IQCM: variants seen among roughly 807,000 people sequenced by gnomAD.
IQCM encodes IQ motif containing M, also known as IQ domain-containing protein M.
A neutral mutation model predicts 57.6 loss-of-function variants in IQCM; 45 were observed. The ratio of observed to expected loss-of-function variants is 0.78; its 90% CI spans 0.62 to 1.00. The LOEUF (loss-of-function observed/expected upper bound fraction) is 1.00, where lower values mean the gene tolerates loss of function less well. Ranked by LOEUF, IQCM falls within the 50% of genes least tolerant of loss-of-function variation. The pLI is 0.00. For missense variants in IQCM, 468 were observed against 511.6 expected (o/e 0.91, Z 0.82); for synonymous variants, 148 against 158.9 (o/e 0.93, Z 0.51).
intron 8 of IQCM, among the ~76,000 whole-genome samples, chr4:149,617,611 A>C (rs748906998): frequency 6.6e-6 from 1 of 152,180 alleles, no homozygotes; most frequent in Non-Finnish European, 1.5e-5. Context: ...TAAACACCTA[A>C]AGTCTCCATC....
At chr4:149,387,478 C>T (rs1731504987) in intron 13 of IQCM, among the ~76,000 whole-genome samples, 1 of 151,990 alleles carries the variant, frequency 6.6e-6, no homozygotes, top group Non-Finnish European at 1.5e-5. Context: ...AATTAGGTTT[C>T]TTAGGGGTTA....
intron 5 of IQCM, among the ~76,000 whole-genome samples, chr4:149,716,426 C>T (rs965294970): frequency 6.6e-6 from 1 of 152,202 alleles, no homozygotes; most frequent in Non-Finnish European, 1.5e-5. Context: ...ATTTCTGAGC[C>T]TGTGGGGGCA....
At chr4:149,393,671 C>T (rs372347538) in intron 13 of IQCM, among the ~76,000 whole-genome samples, 124 of 151,698 alleles carry the variant, frequency 8.2e-4, no homozygotes, top group African/African-American at 2.6e-3. Flanking sequence ...ACAAAAACGG[C>T]GGCAATGATA....
intron 7 of IQCM, among the ~76,000 whole-genome samples, chr4:149,643,528 T>G (rs1463352820): frequency 6.6e-6 from 1 of 152,122 alleles, no homozygotes; most frequent in African/African-American, 2.4e-5. Context: ...TGAAAGAGAT[T>G]CTGTTTCTCA....
rs191258511 is a variant in IQCM at position 149,470,315 on chromosome 4, T to C, written c.1229-36758A>G. ...AAATGGAAAAAAAAAAAAGCAGGGG[T>C]TGCAATACAAGTTTCTGATAAAAAA... On this transcript the variant is annotated intron_variant, in intron 12 of 13. Transcript: ENST00000636793. Among the ~76,000 whole-genome samples the C allele has an allele frequency of 6.9e-3, 1,007 of 145,430 alleles. 5 individuals are homozygous for C. The highest frequency in any genetic ancestry group is 0.012 in the Non-Finnish European group (823 of 66,490).
intron 12 of IQCM, among the ~76,000 whole-genome samples, chr4:149,517,906 TGG>T (rs1745151757): frequency 6.6e-6 from 1 of 152,196 alleles, no homozygotes; most frequent in Non-Finnish European, 1.5e-5. Flanking sequence ...TGGCCTATTG[TGG>T]GACCTTGTGA....
At chr4:149,811,959 AG>A (rs1254556097) in intron 2 of IQCM, among the ~76,000 whole-genome samples, 2 of 152,208 alleles carry the variant, frequency 1.3e-5, no homozygotes, top group Non-Finnish European at 2.9e-5. Flanking sequence ...GGCTTCATTC[AG>A]GGAGATATGT....
At chr4:149,513,239 T>C (rs1451026314) in intron 12 of IQCM, among the ~76,000 whole-genome samples, 5 of 152,170 alleles carry the variant, frequency 3.3e-5, no homozygotes, top group Non-Finnish European at 5.9e-5. Context: ...TTTCAGAGTA[T>C]AATGAGCCAA....
At chr4:149,803,010 CTA>C (rs1561291395) in intron 2 of IQCM, among the ~76,000 whole-genome samples, 1 of 151,912 alleles carries the variant, frequency 6.6e-6, no homozygotes, top group Non-Finnish European at 1.5e-5. Flanking sequence ...GAGTTAGACT[CTA>C]TGATTAGCCC....
rs370637574 is a variant in IQCM at position 149,729,063 on chromosome 4, C to A, written c.385+4181G>T. ...CATTAGTGAAAGGGAAGAAAGTAAA[C>A]ATAATAGTCACCAGTCCAAAGATGT... On this transcript the variant is annotated intron_variant, in intron 5 of 13. Coordinates refer to ENST00000636793, the MANE Select transcript of IQCM (RefSeq NM_001363507.2). Among the ~76,000 whole-genome samples the A allele has an allele frequency of 1.5e-4, 23 of 152,300 alleles. No homozygotes were observed. The East Asian group carries it at 3.3e-3, about 22-fold the overall frequency.
chr4:149,647,152 T>C (rs1758714684), intron 7 of IQCM, among the ~76,000 whole-genome samples: 1 of 152,190 alleles, frequency 6.6e-6, no homozygotes, highest in South Asian at 2.1e-4. Flanking sequence ...AAAAGTGATA[T>C]TGTAGATACT....
At chr4:149,386,290 T>C (rs1285714145) in intron 13 of IQCM, among the ~76,000 whole-genome samples, 1 of 152,088 alleles carries the variant, frequency 6.6e-6, no homozygotes, top group African/African-American at 2.4e-5. Context: ...GGTAATCTCA[T>C]GGGCACATAT....
At chr4:149,642,024 G>C (rs552505540) in intron 7 of IQCM, among the ~76,000 whole-genome samples, 18 of 152,184 alleles carry the variant, frequency 1.2e-4, no homozygotes, top group Non-Finnish European at 2.1e-4. Context: ...TCCTCAGTGT[G>C]TATACTCAAG....
chr4:149,742,177 G>A (rs915662758), intron 3 of IQCM, among the ~76,000 whole-genome samples: 5 of 151,116 alleles, frequency 3.3e-5, no homozygotes, highest in African/African-American at 7.3e-5. Flanking sequence ...TTCTATCTTC[G>A]AAACTCTATA....
intron 13 of IQCM, among the ~76,000 whole-genome samples, chr4:149,373,808 T>C (rs975296604): frequency 6.6e-5 from 10 of 152,218 alleles, no homozygotes; most frequent in Admixed American, 3.9e-4. Flanking sequence ...CACTGAGAAA[T>C]TTTAAAAAAT....
At chr4:149,452,738 G>A (rs548147154) in intron 12 of IQCM, among the ~76,000 whole-genome samples, 44 of 151,378 alleles carry the variant, frequency 2.9e-4, no homozygotes, top group Non-Finnish European at 5.5e-4. Context: ...CTTTATTATC[G>A]TTATTGGTTT....
chr4:149,380,576 T>C (rs1014435480), intron 13 of IQCM, among the ~76,000 whole-genome samples: 3 of 152,146 alleles, frequency 2.0e-5, no homozygotes, highest in South Asian at 4.1e-4. Context: ...CCAGATTCTC[T>C]TTCGGAAGAA....
intron 12 of IQCM, among the ~76,000 whole-genome samples, chr4:149,494,898 G>A (rs1445652351): frequency 6.6e-6 from 1 of 152,094 alleles, no homozygotes; most frequent in East Asian, 1.9e-4. Context: ...TTTGGCTGCT[G>A]GTTAGGGAAT....
chr4:149,675,051 A>T (rs753534450), intron 7 of IQCM, among the ~76,000 whole-genome samples: 1 of 152,036 alleles, frequency 6.6e-6, no homozygotes, highest in South Asian at 2.1e-4. Context: ...GACCATAACT[A>T]TTGGAGAATG....
Sources: allele counts gnomAD v4.1 joint callset (sites outside exome capture counted in the v4.1 genomes callset), GRCh38; gene constraint gnomAD v4.1.1; transcripts MANE v1.5; gene names NCBI Gene and HGNC (gene_info 2026-07-23, HGNC 2026-07-21).